Variants in TRPM3 observed in about 807,000 individuals in gnomAD.
The protein encoded by TRPM3 is transient receptor potential cation channel subfamily M member 3, also known as long transient receptor potential channel 3.
TRPM3 carries 77 observed loss-of-function variants against 181.2 expected under a neutral mutation model. The ratio of observed to expected loss-of-function variants is 0.42; its 90% CI spans 0.35 to 0.51. The LOEUF (loss-of-function observed/expected upper bound fraction) is 0.51. Among genes scored for constraint, TRPM3 ranks in the 20% least tolerant of loss-of-function variants. TRPM3 has a pLI of 0.01. For synonymous variants in TRPM3, 745 were observed against 796.4 expected, an observed-to-expected ratio of 0.94 and a Z score of 1.09; for missense variants, 1,759 against 2,196.7, an observed-to-expected ratio of 0.80 and a Z score of 3.98.
chr9:71,177,719 A>G (rs867173477), intron 1 of TRPM3, among the ~76,000 whole-genome samples: 12 of 152,102 alleles, frequency 7.9e-5, no homozygotes, highest in Admixed American at 5.2e-4. Context: ...AACCCAGGCC[A>G]CAACCTTCAC....
chr9:70,992,170 T>C (rs556840065), intron 1 of TRPM3, among the ~76,000 whole-genome samples: 3 of 152,236 alleles, frequency 2.0e-5, no homozygotes, highest in African/African-American at 7.2e-5. Context: ...GCTACAATGA[T>C]GCCCAGCACA....
intron 9 of TRPM3, among the ~76,000 whole-genome samples, chr9:70,673,799 A>C (rs1457310287): frequency 4.6e-5 from 7 of 151,956 alleles, no homozygotes; most frequent in Admixed American, 3.9e-4. Flanking sequence ...AAATAAAAAA[A>C]TTAGCTGGGC....
intron 8 of TRPM3, among the ~76,000 whole-genome samples, chr9:70,751,486 T>G (rs1416341769): frequency 6.6e-6 from 1 of 152,066 alleles, no homozygotes; most frequent in Non-Finnish European, 1.5e-5. Context: ...GATAGGAGAC[T>G]TAAAATTACT....
chr9:70,954,471 A>G (rs2097043677), intron 1 of TRPM3, among the ~76,000 whole-genome samples: 1 of 151,924 alleles, frequency 6.6e-6, no homozygotes, highest in Non-Finnish European at 1.5e-5. Context: ...TGTCTCTAAG[A>G]CTCATTTTTA....
chr9:71,012,769 T>C (rs1238924943), intron 1 of TRPM3, among the ~76,000 whole-genome samples: 1 of 152,044 alleles, frequency 6.6e-6, no homozygotes, highest in Non-Finnish European at 1.5e-5. Context: ...ACTGAAATTT[T>C]TTATGGTTTG....
intron 1 of TRPM3, among the ~76,000 whole-genome samples, chr9:71,138,080 C>A (rs757307325): frequency 6.6e-6 from 1 of 151,836 alleles, no homozygotes; most frequent in Non-Finnish European, 1.5e-5. Context: ...TGCCACTGCA[C>A]CCCAGCCTGG....
Position 70,864,420 on chromosome 9 carries a change from CA to C in TRPM3, c.257+11del. On this transcript the variant is annotated intron_variant, in intron 2 of 25. Transcript: ENST00000677713. ...TACTTCATGTTCTCAACATTATAGA[CA>C]GCAAGATTACCTATGGGGGTCTTTG... The C allele has an allele frequency of 6.8e-7, 1 of 1,474,630 alleles. No homozygotes were observed. 91.3% of individuals were successfully genotyped at this position (1,474,630 alleles called of 1,614,324 possible).
At position 70,537,021 on chromosome 9, in the gene TRPM3, C is replaced by A; in HGVS notation, c.4092G>T (p.Lys1364Asn). 2.5e-6 allele frequency: 4 copies of A among 1,610,288 alleles called. No individual in the cohort carries two copies. Among genetic ancestry groups the A allele is most frequent in the African/African-American group, 1.3e-5 (1 of 74,948 alleles). ...ACCTTTCTTTAAAAATACTTTCCAA[C>A]TTTTCTATACCACCTTTGTCTTTCA... is the stretch of plus-strand genomic sequence containing the variant. Reference protein sequence around the residue: ...VNMKDKGGIEKLESIFKERSL... With the variant: ...VNMKDKGGIENLESIFKERSL... The change falls in exon 26 of 26, where the codon AAG becomes AAT. Residue 1364 changes from lysine (K) to asparagine (N), a missense_variant. Physicochemically the swap from Lys to Asn is moderately conservative, Grantham distance 94 (BLOSUM62 0). Coordinates refer to ENST00000677713, the MANE Select transcript of TRPM3 (RefSeq NM_001366145.2).
At position 71,034,208 on chromosome 9, in the gene TRPM3, C is replaced by T. The variant is rs148118772; in HGVS notation, c.177+86970G>A. On this transcript the variant is annotated intron_variant, in intron 1 of 25. Coordinates refer to ENST00000677713, the MANE Select transcript of TRPM3 (RefSeq NM_001366145.2). The stretch of plus-strand genomic sequence containing the variant: ...GACTGCCATGATAGCCTCATCTCAG[C>T]TCTGCTTGGCATAGTAGAGATCCAG... Among the ~76,000 whole-genome samples the T allele has an allele frequency of 1.6e-3, 243 of 152,262 alleles. 1 individual carries two copies. Among genetic ancestry groups the T allele is most frequent in the African/African-American group, 5.6e-3 (234 of 41,544 alleles).
At chr9:70,612,143 T>TAGAC in intron 18 of TRPM3, among the ~76,000 whole-genome samples, 1 of 152,358 alleles carries the variant, frequency 6.6e-6, no homozygotes, top group Non-Finnish European at 1.5e-5. Flanking sequence ...GAGACCTTCT[T>TAGAC]AGACACTCCT....
At chr9:71,444,392 A>T in intron 1 of TRPM3, among the ~76,000 whole-genome samples, 1 of 152,070 alleles carries the variant, frequency 6.6e-6, no homozygotes, top group Middle Eastern at 3.4e-3. Context: ...TATTAATCAA[A>T]TTTTTCCACA....
intron 1 of TRPM3, among the ~76,000 whole-genome samples, chr9:71,381,808 A>G (rs1164142483): frequency 1.3e-5 from 2 of 152,138 alleles, no homozygotes; most frequent in African/African-American, 2.4e-5. Context: ...GTTTTGGATG[A>G]GATGATTATT....
At chr9:70,666,754 T>G (rs1465198385) in intron 9 of TRPM3, among the ~76,000 whole-genome samples, 1 of 152,142 alleles carries the variant, frequency 6.6e-6, no homozygotes, top group Non-Finnish European at 1.5e-5. Context: ...TTTCACTCAG[T>G]AGTTTCTTAC....
chr9:71,143,482 C>G (rs2075239747), intron 1 of TRPM3, among the ~76,000 whole-genome samples: 1 of 152,038 alleles, frequency 6.6e-6, no homozygotes, highest in African/African-American at 2.4e-5. Flanking sequence ...AGATAATGGC[C>G]TCTAGCTCTA....
At chr9:71,012,867 T>G (rs1486388357) in intron 1 of TRPM3, among the ~76,000 whole-genome samples, 1 of 152,132 alleles carries the variant, frequency 6.6e-6, no homozygotes, top group Non-Finnish European at 1.5e-5. Flanking sequence ...CAGATTTCTT[T>G]AGTACATTTG....
At chr9:70,671,546 A>G (rs1252944216) in intron 9 of TRPM3, among the ~76,000 whole-genome samples, 1 of 152,252 alleles carries the variant, frequency 6.6e-6, no homozygotes, top group Non-Finnish European at 1.5e-5. Flanking sequence ...TATAATAAAC[A>G]TTATATGGTA....
chr9:70,669,619 G>A (rs1178169908), intron 9 of TRPM3, among the ~76,000 whole-genome samples: 2 of 152,216 alleles, frequency 1.3e-5, no homozygotes, highest in Non-Finnish European at 2.9e-5. Flanking sequence ...GCTTATAATA[G>A]ATGAACCTTG....
intron 1 of TRPM3, among the ~76,000 whole-genome samples, chr9:71,387,857 C>T (rs1057086333): frequency 3.9e-5 from 6 of 152,060 alleles, no homozygotes; most frequent in African/African-American, 7.2e-5. Flanking sequence ...TGTACAGACA[C>T]GGGCACACAC....
intron 1 of TRPM3, among the ~76,000 whole-genome samples, chr9:71,191,128 C>T (rs1305336662): frequency 6.6e-6 from 1 of 151,812 alleles, no homozygotes; most frequent in Non-Finnish European, 1.5e-5. Flanking sequence ...CCTAAGGCCA[C>T]ACACTGAAAA....
Sources: allele counts gnomAD v4.1 joint callset (sites outside exome capture counted in the v4.1 genomes callset), GRCh38; gene constraint gnomAD v4.1.1; transcripts MANE v1.5; gene names NCBI Gene and HGNC (gene_info 2026-07-23, HGNC 2026-07-21).